The following SLC26A7 variants were observed in gnomAD, a reference collection of about 807,000 sequenced individuals.
SLC26A7 encodes the protein anion exchange transporter.
In SLC26A7, 59 loss-of-function variants were observed where a neutral mutation model predicts 82.5. That is an observed-to-expected ratio of 0.72 (90% confidence interval 0.58 to 0.89). The LOEUF is 0.89. Ranked by LOEUF, SLC26A7 falls within the 40% of genes least tolerant of loss-of-function variation. The pLI is 0.00. For missense variants in SLC26A7, 820 were observed against 793.0 expected, an observed-to-expected ratio of 1.03 and a Z score of -0.41; for synonymous variants, 271 against 274.3, an observed-to-expected ratio of 0.99 and a Z score of 0.12.
At chr8:91,281,102 G>T (rs1454605520) in intron 2 of SLC26A7, among the ~76,000 whole-genome samples, 2 of 152,114 alleles carry the variant, frequency 1.3e-5, no homozygotes, top group Non-Finnish European at 2.9e-5. Context: ...ATAATGTTCA[G>T]ATTGCTTTAA....
chr8:91,280,735 C>T (rs1427454683), intron 2 of SLC26A7, among the ~76,000 whole-genome samples: 1 of 152,098 alleles, frequency 6.6e-6, no homozygotes, highest in Non-Finnish European at 1.5e-5. Context: ...GTCTTTTCAT[C>T]TGATCAGTCT....
intron 5 of SLC26A7, among the ~76,000 whole-genome samples, chr8:91,331,519 T>G (rs796914031): frequency 3.9e-5 from 6 of 152,276 alleles, no homozygotes; most frequent in African/African-American, 1.4e-4. Context: ...GTTCCTAGCT[T>G]AATGTTTTGA....
At chr8:91,320,004 G>T (rs778926355) in intron 5 of SLC26A7, among the ~76,000 whole-genome samples, 3 of 152,126 alleles carry the variant, frequency 2.0e-5, no homozygotes, top group African/African-American at 4.8e-5. Flanking sequence ...TTGTATTTTT[G>T]AGGGAAACTG....
chr8:91,274,361 C>A (rs1483619839), intron 2 of SLC26A7, among the ~76,000 whole-genome samples: 1 of 152,148 alleles, frequency 6.6e-6, no homozygotes, highest in Non-Finnish European at 1.5e-5. Context: ...AATTTATTGG[C>A]TCATAGATCT....
At chr8:91,296,049 T>C (rs962477660) in intron 4 of SLC26A7, among the ~76,000 whole-genome samples, 1 of 152,194 alleles carries the variant, frequency 6.6e-6, no homozygotes. Flanking sequence ...GGGAATGTTA[T>C]AGGAAAAACT....
At chr8:91,375,280 G>A (rs1288764127) in intron 15 of SLC26A7, among the ~76,000 whole-genome samples, 1 of 152,030 alleles carries the variant, frequency 6.6e-6, no homozygotes, top group Non-Finnish European at 1.5e-5. Flanking sequence ...CTGTCATAGT[G>A]TTGTTACCTA....
intron 8 of SLC26A7, among the ~76,000 whole-genome samples, chr8:91,341,166 T>A (rs1386154385): frequency 7.0e-6 from 1 of 143,812 alleles, no homozygotes; most frequent in East Asian, 2.1e-4. Flanking sequence ...GTCCCCAGAG[T>A]GTGATATTCC....
chr8:91,298,893 T>C lies in SLC26A7; in HGVS notation c.477+3190T>C, dbSNP rs1006232937. Among the ~76,000 whole-genome samples, 11 of 152,312 alleles carry C rather than the reference T, an allele frequency of 7.2e-5. No homozygotes were observed. The South Asian group carries it at 1.0e-3, about 14-fold the overall frequency. ...TTCAAAACAAAAACAAATGTAGTTA[T>C]GTTAGACATTGTTAAATTCCCTTCC... On this transcript the variant is annotated intron_variant, in intron 4 of 18. Transcript: ENST00000276609.
chr8:91,307,627 C>T (rs1336710276), intron 4 of SLC26A7, among the ~76,000 whole-genome samples: 9 of 124,742 alleles, frequency 7.2e-5, no homozygotes, highest in East Asian at 4.9e-4. Flanking sequence ...GGAAGGGGAA[C>T]ATCACACTCT....
At chr8:91,390,386 G>A (rs1228185180) in intron 16 of SLC26A7, among the ~76,000 whole-genome samples, 2 of 152,090 alleles carry the variant, frequency 1.3e-5, no homozygotes, top group East Asian at 1.9e-4. Flanking sequence ...CAAAGTGCTG[G>A]GATTACAGGC....
upstream of SLC26A7, among the ~76,000 whole-genome samples, chr8:91,248,415 T>A (rs147229622): frequency 2.4e-3 from 359 of 152,220 alleles, 1 homozygote; most frequent in African/African-American, 7.9e-3. Context: ...AGAAATCAGA[T>A]TTCTATTCTC....
rs867482319 is a variant in SLC26A7 at position 91,373,780 on chromosome 8, A to G, written c.1675+3947A>G. Among the ~76,000 whole-genome samples the G allele has an allele frequency of 3.4e-4, 51 of 152,136 alleles. 2 individuals are homozygous for G. The highest frequency in any genetic ancestry group is 3.4e-3 in the Middle Eastern group (1 of 294). On this transcript the variant is annotated intron_variant, in intron 15 of 18. Coordinates refer to ENST00000276609, the MANE Select transcript of SLC26A7 (RefSeq NM_052832.4). ...GACTCTCTCTTCCTCAACTTTTTGG[A>G]ATAGTTTCAATGAGCTTGGCACTAG...
chr8:91,279,163 A>ATATATG lies in SLC26A7; in HGVS notation c.194-9970_194-9969insATGTAT, dbSNP rs1163968496. Among the ~76,000 whole-genome samples the ATATATG allele has an allele frequency of 6.8e-5, 7 of 102,486 alleles. No individual in the cohort carries two copies. The East Asian group carries it at 1.8e-3, about 26-fold the overall frequency. The allele number at this position is 102,486 out of a possible 152,430, so 67.2% of individuals were successfully genotyped here. A position where few individuals can be genotyped will look rare whatever the true frequency, so the allele number is the denominator to read the frequency against. On this transcript the variant is annotated intron_variant, in intron 2 of 18. Coordinates refer to ENST00000276609, the MANE Select transcript of SLC26A7 (RefSeq NM_052832.4). The stretch of plus-strand genomic sequence containing the variant: ...TATATATATATATATATATATATAT[A>ATATATG]TATGTATCACATTTTAAGAAATCCA...
intron 10 of SLC26A7, among the ~76,000 whole-genome samples, chr8:91,352,452 A>G (rs921466554): frequency 6.6e-6 from 1 of 152,176 alleles, no homozygotes; most frequent in Non-Finnish European, 1.5e-5. Flanking sequence ...AGGATCTTCC[A>G]ATAATCAAGT....
At chr8:91,258,337 A>G (rs941755375) in intron 2 of SLC26A7, among the ~76,000 whole-genome samples, 1 of 152,080 alleles carries the variant, frequency 6.6e-6, no homozygotes, top group Non-Finnish European at 1.5e-5. Context: ...TTATAACTGA[A>G]CACAGCATTT....
At chr8:91,232,973 T>C (rs1033875133) in intron 2 of SLC26A7, among the ~76,000 whole-genome samples, 7 of 152,216 alleles carry the variant, frequency 4.6e-5, no homozygotes, top group Non-Finnish European at 1.0e-4. Context: ...GCTAAGAATG[T>C]GCTTAATGTT....
chr8:91,212,965 C>G (rs74704440), intron 1 of SLC26A7, among the ~76,000 whole-genome samples: 4 of 152,270 alleles, frequency 2.6e-5, no homozygotes, highest in African/African-American at 9.6e-5. Context: ...CTTACCCTTT[C>G]GGAGAACTCT....
rs760305330 is a variant in SLC26A7 at position 91,340,425 on chromosome 8, C to T, written c.900C>T (p.Pro300=). Reference sequence around the variant, plus strand: ...ACAGAATTCCCTCACCTAGAGCTCCCCCGATGAACATCCTCTCTGCGGTGA... The same window carrying T: ...ACAGAATTCCCTCACCTAGAGCTCCTCCGATGAACATCCTCTCTGCGGTGA... ...IPQGIPSPRA[P]PMNILSAVIT... Residue 300 remains proline, a synonymous_variant, in exon 8 of 19, where the codon CCC becomes CCT. Transcript: ENST00000276609. The T allele has an allele frequency of 1.9e-5, 31 of 1,613,750 alleles. No homozygotes were observed. In the East Asian group the frequency reaches 6.0e-4, roughly 31 times the overall value.
chr8:91,225,703 C>T (rs1328078791), intron 2 of SLC26A7, among the ~76,000 whole-genome samples: 7 of 105,350 alleles, frequency 6.6e-5, no homozygotes, highest in African/African-American at 2.6e-4. Flanking sequence ...ATCTCAGCTA[C>T]AATGTATTTG....
Sources: gnomAD v4.1 joint callset for allele counts (sites outside exome capture counted in the v4.1 genomes callset) on GRCh38, gnomAD v4.1.1 for gene constraint, MANE v1.5 for transcripts, NCBI Gene and HGNC (gene_info 2026-07-23, HGNC 2026-07-21) for gene names.